The following GRM8 variants were observed in gnomAD, a reference collection of about 807,000 sequenced individuals.
GRM8 encodes the protein metabotropic glutamate receptor 8.
In GRM8, 47 loss-of-function variants were observed where a neutral mutation model predicts 87.2. The ratio of observed to expected loss-of-function variants is 0.54; its 90% confidence interval spans 0.43 to 0.69. The LOEUF is 0.69. Among genes scored for constraint, GRM8 ranks in the 30% least tolerant of loss-of-function variants. GRM8 has a pLI of 0.00. For synonymous variants in GRM8, 396 were observed against 404.5 expected (o/e 0.98, Z 0.25); for missense variants, 1,019 against 1,139.2 (o/e 0.89, Z 1.52).
chr7:127,063,196 T>G (rs972608168), intron 3 of GRM8, among the ~76,000 whole-genome samples: 2 of 151,838 alleles, frequency 1.3e-5, no homozygotes, highest in Non-Finnish European at 1.5e-5. Context: ...GAGCTTGCAG[T>G]GAGCCGAGAT....
At chr7:127,096,527 T>C (rs1296498518) in intron 3 of GRM8, among the ~76,000 whole-genome samples, 2 of 151,756 alleles carry the variant, frequency 1.3e-5, no homozygotes, top group African/African-American at 4.8e-5. Flanking sequence ...GCCACTGCAC[T>C]TCAGCCTGAG....
intron 9 of GRM8, among the ~76,000 whole-genome samples, chr7:126,523,651 T>A (rs934814478): frequency 6.6e-6 from 1 of 151,930 alleles, no homozygotes; most frequent in Admixed American, 6.6e-5. Context: ...GCACCTGCAA[T>A]CATGCCAGGC....
intron 9 of GRM8, among the ~76,000 whole-genome samples, chr7:126,456,519 TAAAAAAAAAAAAA>T (rs513): frequency 2.0e-4 from 14 of 69,716 alleles, no homozygotes; most frequent in Non-Finnish European, 2.7e-4. Flanking sequence ...AGCAGCAAGC[TAAAAAAAAAAAAA>T]AAAAAAAAAA....
chr7:126,776,531 C>A lies in GRM8; in HGVS notation c.1157-6466G>T, dbSNP rs528026727. On this transcript the variant is annotated intron_variant, in intron 6 of 10. Coordinates refer to ENST00000339582, the MANE Select transcript of GRM8 (RefSeq NM_000845.3). ...ATTATATCCTCTAACAGAGTATAGA[C>A]TTTATATAGATGTTTAATTATTAAA... 2.0e-5 allele frequency among the ~76,000 whole-genome samples: 3 copies of A among 152,222 alleles called. No individual in the cohort carries two copies. In the East Asian group the frequency reaches 5.8e-4, roughly 29 times the overall value.
chr7:126,472,623 A>G (rs1805411006), intron 9 of GRM8, among the ~76,000 whole-genome samples: 1 of 152,310 alleles, frequency 6.6e-6, no homozygotes, highest in Non-Finnish European at 1.5e-5. Context: ...CTGAGGAGAA[A>G]TTCAAGCCAG....
At chr7:127,176,895 C>T (rs1030961412) in intron 2 of GRM8, among the ~76,000 whole-genome samples, 6 of 152,160 alleles carry the variant, frequency 3.9e-5, no homozygotes, top group Admixed American at 2.6e-4. Flanking sequence ...CCTGGCACCA[C>T]AGGGATCCAT....
intron 3 of GRM8, among the ~76,000 whole-genome samples, chr7:127,018,414 C>T (rs1461622225): frequency 4.5e-5 from 6 of 133,170 alleles, no homozygotes; most frequent in African/African-American, 1.6e-4. Context: ...CTTAAAGTGG[C>T]TTTTTTTTTT....
intron 3 of GRM8, among the ~76,000 whole-genome samples, chr7:127,006,211 A>T (rs770576666): frequency 1.3e-4 from 19 of 151,936 alleles, no homozygotes; most frequent in Non-Finnish European, 2.4e-4. Flanking sequence ...TCCTTGGTCC[A>T]TATAAACCAA....
At chr7:127,221,154 C>T (rs1298343264) in intron 2 of GRM8, among the ~76,000 whole-genome samples, 2 of 152,216 alleles carry the variant, frequency 1.3e-5, no homozygotes, top group East Asian at 3.9e-4. Context: ...AATCAACTCA[C>T]CTGAGTCAAA....
chr7:126,647,842 C>G (rs1297694202), intron 7 of GRM8, among the ~76,000 whole-genome samples: 4 of 152,114 alleles, frequency 2.6e-5, no homozygotes, highest in Non-Finnish European at 4.4e-5. Flanking sequence ...ACCCTTTTCC[C>G]ATGTTGTTCT....
chr7:126,466,784 G>A (rs952984072), intron 9 of GRM8, among the ~76,000 whole-genome samples: 4 of 151,860 alleles, frequency 2.6e-5, no homozygotes, highest in East Asian at 1.9e-4. Context: ...CCACACTGGT[G>A]GAGGGGTGGT....
chr7:126,566,305 A>G (rs565093205), intron 8 of GRM8, among the ~76,000 whole-genome samples: 2 of 152,322 alleles, frequency 1.3e-5, no homozygotes, highest in Non-Finnish European at 2.9e-5. Context: ...CAAAATTGGT[A>G]AGAAACTTCT....
At chr7:126,542,243 G>A (rs956534429) in intron 8 of GRM8, among the ~76,000 whole-genome samples, 2 of 152,116 alleles carry the variant, frequency 1.3e-5, no homozygotes, top group African/African-American at 2.4e-5. Context: ...CTAAAGGGTC[G>A]GCATTTGTAT....
chr7:126,699,162 A>G lies in GRM8; in HGVS notation c.1357+70703T>C, dbSNP rs976889299. Reference sequence around the variant, plus strand: ...AATCACTTAACCTCCCAGTGAATTAATGGGTTCATCTGTAAAACACGATTG... The same window carrying G: ...AATCACTTAACCTCCCAGTGAATTAGTGGGTTCATCTGTAAAACACGATTG... On this transcript the variant is annotated intron_variant, in intron 7 of 10. Transcript: ENST00000339582. Among the ~76,000 whole-genome samples the G allele has an allele frequency of 5.3e-5, 8 of 152,186 alleles. No individual in the cohort carries two copies. The South Asian group carries it at 1.7e-3, about 31-fold the overall frequency.
intron 9 of GRM8, among the ~76,000 whole-genome samples, chr7:126,506,787 A>G (rs1379782855): frequency 6.6e-6 from 1 of 152,046 alleles, no homozygotes. Flanking sequence ...TCAAAAGAAA[A>G]AAAAAAGAAA....
intron 3 of GRM8, among the ~76,000 whole-genome samples, chr7:126,943,688 G>A (rs770797123): frequency 3.9e-5 from 6 of 152,134 alleles, no homozygotes; most frequent in Non-Finnish European, 7.3e-5. Flanking sequence ...TCTCATTGAC[G>A]CCGTGTATGT....
intron 7 of GRM8, among the ~76,000 whole-genome samples, chr7:126,709,839 T>C (rs1005663473): frequency 2.0e-5 from 3 of 152,034 alleles, no homozygotes; most frequent in Non-Finnish European, 4.4e-5. Flanking sequence ...TATTCAAACA[T>C]TAAAAAAAGA....
chr7:126,651,237 T>A (rs1349149071), intron 7 of GRM8, among the ~76,000 whole-genome samples: 1 of 152,078 alleles, frequency 6.6e-6, no homozygotes, highest in Non-Finnish European at 1.5e-5. Context: ...GCCAAAGAAG[T>A]GTGGCAGTGG....
At chr7:127,183,387 A>G (rs1378990483) in intron 2 of GRM8, among the ~76,000 whole-genome samples, 1 of 151,846 alleles carries the variant, frequency 6.6e-6, no homozygotes, top group Non-Finnish European at 1.5e-5. Context: ...GATCAAAATC[A>G]GAAAGACAAC....
Sources: gnomAD v4.1 joint callset for allele counts (sites outside exome capture counted in the v4.1 genomes callset) on GRCh38, gnomAD v4.1.1 for gene constraint, MANE v1.5 for transcripts, NCBI Gene and HGNC (gene_info 2026-07-23, HGNC 2026-07-21) for gene names.